GUCD1: variants seen among roughly 807,000 people sequenced by gnomAD.
The protein encoded by GUCD1 is guanylyl cyclase domain containing 1, also known as protein GUCD1.
In GUCD1, 17 loss-of-function variants were observed where a neutral mutation model predicts 28.3. The ratio of observed to expected loss-of-function variants is 0.60; its 90% CI spans 0.41 to 0.90. The LOEUF (loss-of-function observed/expected upper bound fraction) is 0.90. Ranked by LOEUF, GUCD1 falls within the 40% of genes least tolerant of loss-of-function variation. GUCD1 has a pLI of 0.00. For synonymous variants in GUCD1, 129 were observed against 123.3 expected, an observed-to-expected ratio of 1.05 and a Z score of -0.30; for missense variants, 279 against 305.5, an observed-to-expected ratio of 0.91 and a Z score of 0.65.
At position 24,540,840 on chromosome 22, in the gene GUCD1, G is replaced by A. The variant is rs1196462784; in HGVS notation, c.*2166C>T. On this transcript the variant is annotated 3_prime_UTR_variant, in exon 6 of 6. Coordinates refer to ENST00000435822, the MANE Select transcript of GUCD1 (RefSeq NM_001284254.2). ...GCCATCCTCTGGGACCAGAGACTGA[G>A]TGTTTCTAAACATTTTGGCTGGACT... The A allele has an allele frequency of 1.9e-5, 3 of 158,726 alleles. No homozygotes were observed. The highest frequency in any genetic ancestry group is 4.4e-5 in the Non-Finnish European group (3 of 68,254). The allele number at this position is 158,726 out of a possible 1,614,324, so 9.8% of individuals were successfully genotyped here.
chr22:24,545,324 G>T (rs2044698226), intron 4 of GUCD1, among the ~76,000 whole-genome samples: 1 of 152,126 alleles, frequency 6.6e-6, no homozygotes, highest in South Asian at 2.1e-4. Flanking sequence ...ACAGGAGTGG[G>T]ATTTCAGCTA....
intron 3 of GUCD1, chr22:24,547,659 A>C: frequency 2.1e-6 from 1 of 483,938 alleles, no homozygotes; most frequent in Non-Finnish European, 3.8e-6. Flanking sequence ...GGGCTGTAGA[A>C]GGCAGGTGGA....
upstream of GUCD1, chr22:24,555,433 T>G: frequency 8.6e-7 from 1 of 1,158,798 alleles, no homozygotes; most frequent in East Asian, 2.6e-5. Flanking sequence ...GCCCCGCCTC[T>G]GCCGGGTCCC....
chr22:24,546,123 G>C (rs1034517760), intron 4 of GUCD1, among the ~76,000 whole-genome samples: 1 of 151,374 alleles, frequency 6.6e-6, no homozygotes, highest in African/African-American at 2.4e-5. Flanking sequence ...CACCACGCCC[G>C]ACTAATTTTT....
At chr22:24,546,304 A>G (rs1170919751) in intron 4 of GUCD1, among the ~76,000 whole-genome samples, 1 of 152,132 alleles carries the variant, frequency 6.6e-6, no homozygotes, top group African/African-American at 2.4e-5. Context: ...TGATTATACT[A>G]CGTCAATAAT....
In GUCD1 at chr22:24,547,012, AGAG is replaced by A. The variant is rs1268039835; in HGVS notation, c.295-10_295-8del. The A allele has an allele frequency of 1.9e-6, 3 of 1,611,454 alleles. No individual in the cohort carries two copies. The highest frequency in any genetic ancestry group is 4.5e-5 in the East Asian group (2 of 44,866). ...AGTGCTTCCTGTAGAAGGACTGAAC[AGAG>A]AAGAGGGGGATGGAGTGGCCACCAC... is the stretch of plus-strand genomic sequence containing the variant. On this transcript the variant is annotated splice_region_variant and splice_polypyrimidine_tract_variant and intron_variant, in intron 3 of 5. Transcript: ENST00000435822.
chr22:24,551,838 C>A (rs2044883735), intron 1 of GUCD1, among the ~76,000 whole-genome samples: 1 of 152,196 alleles, frequency 6.6e-6, no homozygotes, highest in South Asian at 2.1e-4. Context: ...TATGTTGAAA[C>A]TTAATCTCCA....
intron 5 of GUCD1, among the ~76,000 whole-genome samples, chr22:24,543,508 A>C (rs942563070): frequency 6.6e-6 from 1 of 151,988 alleles, no homozygotes; most frequent in Non-Finnish European, 1.5e-5. Context: ...CTTTCTGAGG[A>C]ATGTGCCGGC....
intron 5 of GUCD1, among the ~76,000 whole-genome samples, chr22:24,543,517 G>A (rs1485640931): frequency 2.0e-5 from 3 of 152,194 alleles, no homozygotes; most frequent in Admixed American, 2.0e-4. Context: ...GAATGTGCCG[G>A]CCATCCTGGT....
Position 24,549,067 on chromosome 22 carries a change from A to T in GUCD1, c.44-66T>A, listed in dbSNP as rs528924267. On this transcript the variant is annotated intron_variant, in intron 1 of 5. Coordinates refer to ENST00000435822, the MANE Select transcript of GUCD1 (RefSeq NM_001284254.2). The stretch of plus-strand genomic sequence containing the variant: ...AGCCCACCACTCCCACCCTCATGGG[A>T]GCCAGTGTCACTGCCTCCTGCCTAG... 5.1e-6 allele frequency: 6 copies of T among 1,172,204 alleles called. No homozygotes were observed. The African/African-American group carries it at 9.1e-5, about 18-fold the overall frequency. The allele number at this position is 1,172,204 out of a possible 1,614,324, so 72.6% of individuals were successfully genotyped here. A position where few individuals can be genotyped will look rare whatever the true frequency, so the allele number is the denominator to read the frequency against.
intron 4 of GUCD1, among the ~76,000 whole-genome samples, chr22:24,545,451 C>T (rs916242417): frequency 2.0e-5 from 3 of 151,954 alleles, no homozygotes; most frequent in Non-Finnish European, 4.4e-5. Flanking sequence ...GTGTCTCTCT[C>T]CTCCTCAGTT....
Position 24,555,052 on chromosome 22 carries a change from G to T in GUCD1, c.-61C>A. 7.3e-7 allele frequency: 1 copy of T among 1,366,170 alleles called. No homozygotes were observed. 84.6% of individuals were successfully genotyped at this position (1,366,170 alleles called of 1,614,324 possible). A position where few individuals can be genotyped will look rare whatever the true frequency, so the allele number is the denominator to read the frequency against. The stretch of plus-strand genomic sequence containing the variant: ...CAGAGCGGGCTACAGCTTCCGCTTC[G>T]GCTGGGGCGGGAGGGCGGTCGGTGC... On this transcript the variant is annotated 5_prime_UTR_variant, in exon 1 of 6. Transcript: ENST00000435822.
chr22:24,553,463 G>T (rs1287619488), intron 1 of GUCD1, among the ~76,000 whole-genome samples: 1 of 152,234 alleles, frequency 6.6e-6, no homozygotes, highest in Non-Finnish European at 1.5e-5. Flanking sequence ...CCTCAGCCCA[G>T]AGTAGGCACT....
chr22:24,546,443 C>T (rs1365234136), intron 4 of GUCD1, among the ~76,000 whole-genome samples: 1 of 152,190 alleles, frequency 6.6e-6, no homozygotes, highest in Non-Finnish European at 1.5e-5. Context: ...CAAACTGCAC[C>T]CAGAGTCTTC....
At position 24,547,217 on chromosome 22, in the gene GUCD1, G is replaced by A. The variant is rs551152598; in HGVS notation, c.295-212C>T. 63 of 547,252 alleles carry A rather than the reference G, an allele frequency of 1.2e-4. No individual in the cohort carries two copies. The East Asian group carries it at 1.7e-3, about 15-fold the overall frequency. The allele number at this position is 547,252 out of a possible 1,614,324, so 33.9% of individuals were successfully genotyped here. A position where few individuals can be genotyped will look rare whatever the true frequency, so the allele number is the denominator to read the frequency against. ...GAAGCAGGACCACACAGAGGCATGA[G>A]GATGATGCTTGAGAGAGGGGTGGGC... On this transcript the variant is annotated intron_variant, in intron 3 of 5. Coordinates refer to ENST00000435822, the MANE Select transcript of GUCD1 (RefSeq NM_001284254.2).
At chr22:24,555,178 A>T, upstream of GUCD1, 1 of 1,297,378 alleles carries the variant, frequency 7.7e-7, no homozygotes, top group South Asian at 2.4e-5. Flanking sequence ...CCAGGTCTCG[A>T]ATCTGGAGGC....
chr22:24,547,270 A>T, intron 3 of GUCD1: 1 of 460,130 alleles, frequency 2.2e-6, no homozygotes, highest in South Asian at 2.1e-5. Flanking sequence ...CTCTCTGGGG[A>T]GGATCGATCA....
intron 4 of GUCD1, among the ~76,000 whole-genome samples, chr22:24,546,102 C>CA (rs1157060747): frequency 1.3e-5 from 2 of 152,056 alleles, no homozygotes; most frequent in Non-Finnish European, 2.9e-5. Context: ...GCTGGGACTA[C>CA]AGGCGCCTGC....
At chr22:24,545,161 G>A (rs1054933672) in intron 4 of GUCD1, among the ~76,000 whole-genome samples, 1 of 152,194 alleles carries the variant, frequency 6.6e-6, no homozygotes, top group Non-Finnish European at 1.5e-5. Context: ...GCCTTCCTTA[G>A]GAGTGGCAGC....
Sources: allele counts gnomAD v4.1 joint callset (sites outside exome capture counted in the v4.1 genomes callset), GRCh38; gene constraint gnomAD v4.1.1; transcripts MANE v1.5; gene names NCBI Gene and HGNC (gene_info 2026-07-23, HGNC 2026-07-21).